Variants in CCDC142 observed in about 807,000 individuals in gnomAD.
CCDC142 encodes the protein coiled-coil domain containing 142.
In CCDC142, 67 loss-of-function variants were observed where a neutral mutation model predicts 83.8. That is an observed-to-expected ratio of 0.80 (90% CI 0.66 to 0.98). The LOEUF is 0.98. Ranked by LOEUF, CCDC142 falls within the 50% of genes least tolerant of loss-of-function variation. CCDC142 has a pLI of 0.00. For synonymous variants in CCDC142, 421 were observed against 421.2 expected, an observed-to-expected ratio of 1.00 and a Z score of 0.01; for missense variants, 905 against 946.8, an observed-to-expected ratio of 0.96 and a Z score of 0.58.
At position 74,480,995 on chromosome 2, in the gene CCDC142, G is replaced by A. The variant is rs761964589; in HGVS notation, c.1350C>T (p.Asp450=). The A allele has an allele frequency of 6.2e-7, 1 of 1,614,144 alleles. No homozygotes were observed. The highest frequency in any genetic ancestry group is 8.5e-7 in the Non-Finnish European group (1 of 1,180,044). Reference sequence around the variant, plus strand: ...GGATCAGGAGCAGGAAGGAAGCTGGGTCCCATGCTGCCAAGTACTGCTGAG... The same window carrying A: ...GGATCAGGAGCAGGAAGGAAGCTGGATCCCATGCTGCCAAGTACTGCTGAG... ...GRAQQYLAAW[D]PASFLLLIQK... Residue 450 remains aspartate, a synonymous_variant, in exon 4 of 9, where the codon GAC becomes GAT. Transcript: ENST00000393965.
Position 74,482,337 on chromosome 2 carries a change from TAGCAGC to T in CCDC142, c.495_500del (p.Leu166_Leu167del). ...GGGCGGCTAGTCCGATGGGGCGCGC[TAGCAGC>T]AGCGGCTCGAGAGTCTCCCCAGGGC... is the stretch of plus-strand genomic sequence containing the variant. On this transcript the variant is annotated inframe_deletion, in exon 1 of 9. Coordinates refer to ENST00000393965, the MANE Select transcript of CCDC142 (RefSeq NM_001365575.2). This position sits in a 1 kb window ranked among gnomAD's most constrained non-coding sequence, Gnocchi z 5.0. 6.2e-7 allele frequency: 1 copy of T among 1,604,382 alleles called. No individual in the cohort carries two copies. The highest frequency in any genetic ancestry group is 8.5e-7 in the Non-Finnish European group (1 of 1,176,790).
Position 74,481,385 on chromosome 2 carries a change from G to C in CCDC142, c.1109-13C>G. The C allele has an allele frequency of 6.2e-7, 1 of 1,614,144 alleles. No homozygotes were observed. The highest frequency in any genetic ancestry group is 8.5e-7 in the Non-Finnish European group (1 of 1,180,030). On this transcript the variant is annotated splice_polypyrimidine_tract_variant and intron_variant, in intron 2 of 8. Coordinates refer to ENST00000393965, the MANE Select transcript of CCDC142 (RefSeq NM_001365575.2). ...GCCTGGCAGAAACCTGAGGATGAGA[G>C]AGTATAGTGTGGTGGGGAAGCGGTA... is the stretch of plus-strand genomic sequence containing the variant.
chr2:74,480,511 A>G (rs532929345), intron 5 of CCDC142, among the ~76,000 whole-genome samples: 10 of 151,948 alleles, frequency 6.6e-5, no homozygotes, highest in African/African-American at 2.4e-4. Flanking sequence ...GGACCGTTTA[A>G]GCCCAGAAGG....
chr2:74,480,935 C>G, intron 4 of CCDC142, 21 bp downstream of exon 4: 2 of 1,612,986 alleles, frequency 1.2e-6, no homozygotes, highest in Non-Finnish European at 1.7e-6. Context: ...CTGCTCCCCT[C>G]CCTACTCCCC....
Position 74,482,016 on chromosome 2 carries a change from C to T in CCDC142, c.822G>A (p.Leu274=), listed in dbSNP as rs371934164. 143 of 1,613,860 alleles carry T rather than the reference C, an allele frequency of 8.9e-5. No homozygotes were observed. The African/African-American group carries it at 1.9e-3, about 21-fold the overall frequency. Residue 274 remains leucine, a synonymous_variant, in exon 1 of 9, where the codon CTG becomes CTA. Transcript: ENST00000393965. This position sits in a 1 kb window ranked among gnomAD's most constrained non-coding sequence, Gnocchi z 5.0. ...CGACCAGGCCCAGCAGCCCTGGTAG[C>T]AGATCCCCCTCCTCTTGGCACCGCC... The part of the protein sequence containing the change: ...LRRRCQEEGD[L]LPGLLGLVGG...
rs202065967 is a variant in CCDC142 at position 74,480,997 on chromosome 2, C to A, written c.1348G>T (p.Asp450Tyr). The A allele has an allele frequency of 4.3e-6, 7 of 1,614,004 alleles. No homozygotes were observed. The African/African-American group carries it at 8.0e-5, about 18-fold the overall frequency. Residue 450 changes from aspartate (D) to tyrosine (Y), a missense_variant, in exon 4 of 9, where the codon GAC (aspartate) becomes TAC (tyrosine). Asp to Tyr is a radical substitution (Grantham distance 160). Coordinates refer to ENST00000393965, the MANE Select transcript of CCDC142 (RefSeq NM_001365575.2). ...GRAQQYLAAW[D>Y]PASFLLLIQK... ...ATCAGGAGCAGGAAGGAAGCTGGGT[C>A]CCATGCTGCCAAGTACTGCTGAGCT...
Position 74,475,378 on chromosome 2 carries a change from T to C in CCDC142, c.1643A>G (p.Tyr548Cys). The C allele has an allele frequency of 6.3e-7, 1 of 1,595,482 alleles. No homozygotes were observed. Among genetic ancestry groups the C allele is most frequent in the Non-Finnish European group, 8.5e-7 (1 of 1,170,332 alleles). The change falls in exon 7 of 9, where the codon TAT becomes TGT. Residue 548 changes from tyrosine to cysteine, a missense_variant. Transcript: ENST00000393965. ...CPEPPSAPSE[Y>C]AGLVVRTVLE... ...TACGGTGCGGACCACTAAACCAGCATACTCACTAGGAGCACTGGGAGGTTC... is the reference window on the plus strand; with the variant it reads ...TACGGTGCGGACCACTAAACCAGCACACTCACTAGGAGCACTGGGAGGTTC...
At chr2:74,480,560 C>T (rs925587115) in intron 5 of CCDC142, among the ~76,000 whole-genome samples, 24 of 144,538 alleles carry the variant, frequency 1.7e-4, no homozygotes, top group African/African-American at 6.2e-4. Flanking sequence ...CACTGCACTC[C>T]AGCCTGGGTG....
rs1572933124 is a variant in CCDC142, at chr2:74,482,082, G to C, written c.756C>G (p.Asp252Glu). Residue 252 changes from aspartate to glutamate, a missense_variant, in exon 1 of 9, where the codon GAC becomes GAG. Coordinates refer to ENST00000393965, the MANE Select transcript of CCDC142 (RefSeq NM_001365575.2). This position sits in a 1 kb window ranked among gnomAD's most constrained non-coding sequence, Gnocchi z 5.0. ...TCAACGCCGATCCTTGGAGCGCCTC[G>C]TCCAGCCGACTTGCCACCTGGCAAC... ...ERGCQVASRLDEALQGSALRD... is the reference protein window; with the variant it reads ...ERGCQVASRLEEALQGSALRD... 3.7e-6 allele frequency: 6 copies of C among 1,613,524 alleles called. No individual in the cohort carries two copies. The highest frequency in any genetic ancestry group is 1.3e-5 in the African/African-American group (1 of 75,062).
Position 74,482,940 on chromosome 2 carries a change from A to G in CCDC142, c.-103T>C. ...CCCCATCGCAAGAGCCGTTTTCTCC[A>G]GTCCGGGAGTCGCGGGGACCTTCAT... On this transcript the variant is annotated 5_prime_UTR_variant, in exon 1 of 9. Transcript: ENST00000393965. This position sits in a 1 kb window ranked among gnomAD's most constrained non-coding sequence, Gnocchi z 5.0. 1.3e-6 allele frequency: 2 copies of G among 1,558,434 alleles called. No homozygotes were observed. Among genetic ancestry groups the G allele is most frequent in the Non-Finnish European group, 1.7e-6 (2 of 1,144,882 alleles).
Position 74,474,494 on chromosome 2 carries a change from T to G in CCDC142, c.*52A>C. 1 of 1,527,000 alleles carries G rather than the reference T, an allele frequency of 6.5e-7. No homozygotes were observed. Among genetic ancestry groups the G allele is most frequent in the South Asian group, 1.3e-5 (1 of 78,048 alleles). The allele number at this position is 1,527,000 out of a possible 1,614,324, so 94.6% of individuals were successfully genotyped here. ...TATGCAATTCCAAATGTCTGGATTT[T>G]CCAGCTAGAGATGGGGAGCTCTTAA... On this transcript the variant is annotated 3_prime_UTR_variant, in exon 9 of 9. Coordinates refer to ENST00000393965, the MANE Select transcript of CCDC142 (RefSeq NM_001365575.2).
chr2:74,481,787 C>T (rs764340239), intron 1 of CCDC142, 30 bp downstream of exon 1: 7 of 1,584,750 alleles, frequency 4.4e-6, no homozygotes, highest in Admixed American at 3.5e-5. Context: ...CCCCAGCCTT[C>T]CCAAACGCCC....
Position 74,474,595 on chromosome 2 carries a change from C to T in CCDC142, c.2204G>A (p.Arg735His), listed in dbSNP as rs963634873. 19 of 1,614,098 alleles carry T rather than the reference C, an allele frequency of 1.2e-5. No individual in the cohort carries two copies. Among genetic ancestry groups the T allele is most frequent in the South Asian group, 2.2e-5 (2 of 91,070 alleles). ...WLALRQHQRP[R>H]WHLPFFSCLG... The stretch of plus-strand genomic sequence containing the variant: ...GCAGGAAAAAAACGGCAGGTGCCAA[C>T]GGGGTCGCTGGTGTTGCCTGAGGGC... Residue 735 changes from arginine (R) to histidine (H), a missense_variant, in exon 9 of 9, where the codon CGT becomes CAT. Arg to His is a conservative substitution (Grantham distance 29). Coordinates refer to ENST00000393965, the MANE Select transcript of CCDC142 (RefSeq NM_001365575.2).
chr2:74,478,044 A>C (rs1389305228), intron 5 of CCDC142, among the ~76,000 whole-genome samples: 1 of 147,558 alleles, frequency 6.8e-6, no homozygotes, highest in Non-Finnish European at 1.5e-5. Context: ...ATATATATAG[A>C]TATAATATAA....
rs571626401 is a variant in CCDC142 at position 74,482,704 on chromosome 2, C to T, written c.134G>A (p.Cys45Tyr). The T allele has an allele frequency of 7.6e-5, 123 of 1,608,288 alleles. 1 individual carries two copies. The South Asian group carries it at 1.2e-3, about 16-fold the overall frequency. ...CCCTCCAGAAGTTCCGCTCGGCCAG[C>T]AGTGAACCTCCCAGCGAAGACCGCC... ...RTGGLRWEVH[C>Y]WPSGTSGGTP... is the part of the protein sequence containing the mutation. The change falls in exon 1 of 9, where the codon TGC becomes TAC. Residue 45 changes from cysteine (C) to tyrosine (Y), a missense_variant. This residue lies in a region of CCDC142 where 591 missense variants were observed against 571.4 expected (regional missense o/e 1.03). Coordinates refer to ENST00000393965, the MANE Select transcript of CCDC142 (RefSeq NM_001365575.2). The surrounding 1 kb of genome is among the most constrained non-coding windows in gnomAD (Gnocchi z 5.0).
At chr2:74,480,740 A>G (rs1672421046) in intron 5 of CCDC142, 29 bp downstream of exon 5, 1 of 1,521,756 alleles carries the variant, frequency 6.6e-7, no homozygotes, top group Admixed American at 1.7e-5. Flanking sequence ...AGGGTCTTAC[A>G]CTGCCACTGT....
rs560584225 is a variant in CCDC142, at chr2:74,482,065, G to A, written c.773C>T (p.Ser258Leu). 9 of 1,613,522 alleles carry A rather than the reference G, an allele frequency of 5.6e-6. No homozygotes were observed. In the East Asian group the frequency reaches 1.1e-4, roughly 20 times the overall value. ...ASRLDEALQG[S>L]ALRDQLRRRC... Reference sequence around the variant, plus strand: ...CCTGCGGAGCTGGTCCCTCAACGCCGATCCTTGGAGCGCCTCGTCCAGCCG... The same window carrying A: ...CCTGCGGAGCTGGTCCCTCAACGCCAATCCTTGGAGCGCCTCGTCCAGCCG... The change falls in exon 1 of 9, where the codon TCG (serine) becomes TTG (leucine). Residue 258 changes from serine to leucine, a missense_variant. Ser to Leu is a moderately radical substitution (Grantham distance 145). Coordinates refer to ENST00000393965, the MANE Select transcript of CCDC142 (RefSeq NM_001365575.2). The surrounding 1 kb of genome is among the most constrained non-coding windows in gnomAD (Gnocchi z 5.0).
chr2:74,481,575 G>T, intron 1 of CCDC142, 37 bp from the exon 2 acceptor site: 1 of 1,595,350 alleles, frequency 6.3e-7, no homozygotes, highest in Non-Finnish European at 8.6e-7. Flanking sequence ...TGAAAACAAG[G>T]TCTCACTTTC....
At position 74,480,990 on chromosome 2, in the gene CCDC142, G is replaced by A; in HGVS notation, c.1355C>T (p.Ala452Val). The change falls in exon 4 of 9, where the codon GCT (alanine) becomes GTT (valine). Residue 452 changes from alanine (A) to valine (V), a missense_variant. This residue lies in a region of CCDC142 where 49 missense variants were observed against 86.4 expected (regional missense o/e 0.57). Transcript: ENST00000393965. ...CTTTTGGATCAGGAGCAGGAAGGAA[G>A]CTGGGTCCCATGCTGCCAAGTACTG... ...AQQYLAAWDPASFLLLIQKDL... is the reference protein window; with the variant it reads ...AQQYLAAWDPVSFLLLIQKDL... 6.2e-7 allele frequency: 1 copy of A among 1,614,120 alleles called. No homozygotes were observed. The highest frequency in any genetic ancestry group is 8.5e-7 in the Non-Finnish European group (1 of 1,180,026).
Sources: gnomAD v4.1 joint callset for allele counts (sites outside exome capture counted in the v4.1 genomes callset) on GRCh38, gnomAD v4.1.1 for gene constraint, gnomAD v4.1.1 regional missense constraint, Gnocchi (gnomAD v3.1) non-coding constraint, MANE v1.5 for transcripts, NCBI Gene and HGNC (gene_info 2026-07-23, HGNC 2026-07-21) for gene names.